Variants in ZNF502 observed in about 807,000 individuals in gnomAD.
ZNF502 encodes zinc finger protein 502.
A neutral mutation model predicts 43.6 loss-of-function variants in ZNF502; 29 were observed. That is an observed-to-expected ratio of 0.67 (90% CI 0.50 to 0.91). ZNF502 has a LOEUF of 0.91. ZNF502 is among the 40% of genes least tolerant of loss of function. The pLI is 0.00. For synonymous variants in ZNF502, 171 were observed against 207.4 expected, an observed-to-expected ratio of 0.82 and a Z score of 1.51; for missense variants, 591 against 647.2, an observed-to-expected ratio of 0.91 and a Z score of 0.94.
In ZNF502 at chr3:44,722,571, TGA is replaced by T. The variant is rs2125868826; in HGVS notation, c.*123_*124del. The T allele has an allele frequency of 1.5e-6, 2 of 1,314,572 alleles. No homozygotes were observed. Among genetic ancestry groups the T allele is most frequent in the East Asian group, 2.3e-5 (1 of 43,062 alleles). The allele number at this position is 1,314,572 out of a possible 1,614,324, so 81.4% of individuals were successfully genotyped here. A position where few individuals can be genotyped will look rare whatever the true frequency, so the allele number is the denominator to read the frequency against. On this transcript the variant is annotated 3_prime_UTR_variant, in exon 3 of 3. Coordinates refer to ENST00000436624, the MANE Select transcript of ZNF502 (RefSeq NM_001134442.3). ...TGAAGGAGCCTTGGCTACTGTACTC[TGA>T]GAGGAATGTTTCCAGAAATGGAGGT...
In ZNF502 at chr3:44,720,834, C is replaced by T. The variant is rs79758144; in HGVS notation, c.56-39C>T. On this transcript the variant is annotated intron_variant, in intron 2 of 2. Transcript: ENST00000436624. Reference sequence around the variant, plus strand: ...TACAGTTTCAGGGGCCTTCACTCTGCCCTGTACAGGAGATATTCATTCTGC... The same window carrying T: ...TACAGTTTCAGGGGCCTTCACTCTGTCCTGTACAGGAGATATTCATTCTGC... 3,281 of 1,568,426 alleles carry T rather than the reference C, an allele frequency of 2.1e-3. 51 individuals carry two copies. The African/African-American group carries it at 0.032, about 15-fold the overall frequency.
rs889151290 is a variant in ZNF502 at position 44,721,365 on chromosome 3, A to G, written c.548A>G (p.Tyr183Cys). The G allele has an allele frequency of 1.2e-6, 2 of 1,614,176 alleles. No homozygotes were observed. Among genetic ancestry groups the G allele is most frequent in the East Asian group, 2.2e-5 (1 of 44,882 alleles). Residue 183 changes from tyrosine to cysteine, a missense_variant, in exon 3 of 3, where the codon TAC becomes TGC. Coordinates refer to ENST00000436624, the MANE Select transcript of ZNF502 (RefSeq NM_001134442.3). ...AGAACTCATACTGGAGAGAGACCCT[A>G]CACATGTGAGGAATGTGGGAAAGCC... ...HQRTHTGERPYTCEECGKAFS... is the reference protein window; with the variant it reads ...HQRTHTGERPCTCEECGKAFS...
At chr3:44,718,321 C>T (rs1704204791) in intron 1 of ZNF502, among the ~76,000 whole-genome samples, 1 of 152,196 alleles carries the variant, frequency 6.6e-6, no homozygotes, top group Admixed American at 6.5e-5. Flanking sequence ...GAAATAGCCT[C>T]ACAAGGGATC....
intron 1 of ZNF502, among the ~76,000 whole-genome samples, chr3:44,713,014 G>A (rs75266471): frequency 0.017 from 2,549 of 152,366 alleles, 45 homozygotes; most frequent in African/African-American, 0.039. Flanking sequence ...GAGTGAATGA[G>A]TGATGGATAG....
chr3:44,722,441 AGTG>A lies in ZNF502; in HGVS notation c.1628_1630del (p.Gly543del). 6.2e-7 allele frequency: 1 copy of A among 1,609,844 alleles called. No homozygotes were observed. ...CCTTTTCAGACATCAGAAACTTCAC[AGTG>A]GTGACTAATGCTGCCATTTAGGTTA... On this transcript the variant is annotated inframe_deletion, in exon 3 of 3. Coordinates refer to ENST00000436624, the MANE Select transcript of ZNF502 (RefSeq NM_001134442.3).
intron 1 of ZNF502, among the ~76,000 whole-genome samples, chr3:44,719,853 A>G (rs1370229750): frequency 1.3e-5 from 2 of 152,246 alleles, no homozygotes; most frequent in African/African-American, 4.8e-5. Context: ...TTTCATATAG[A>G]TTATTGTATG....
chr3:44,720,316 G>T lies in ZNF502; in HGVS notation c.55G>T (p.Gly19Cys). 1 of 1,614,012 alleles carries T rather than the reference G, an allele frequency of 6.2e-7. No homozygotes were observed. Among genetic ancestry groups the T allele is most frequent in the Non-Finnish European group, 8.5e-7 (1 of 1,179,964 alleles). ...AGACATTAGAAGAGAGACTTGTCCAGGTGAGTGAGCAAGGGACAAGCAGTG... is the reference window on the plus strand; with the variant it reads ...AGACATTAGAAGAGAGACTTGTCCATGTGAGTGAGCAAGGGACAAGCAGTG... ...ERDIRRETCPGWVNKNKPALE... is the reference protein window; with the variant it reads ...ERDIRRETCPCWVNKNKPALE... The change falls in exon 2 of 3, where the codon GGC (glycine) becomes TGC (cysteine). Residue 19 changes from glycine (G) to cysteine (C), a missense_variant and splice_region_variant. Transcript: ENST00000436624.
Position 44,721,853 on chromosome 3 carries a change from AGT to A in ZNF502, c.1038_1039del (p.Ser346ArgfsTer6). On this transcript the variant is annotated frameshift_variant, in exon 3 of 3. Coordinates refer to ENST00000436624, the MANE Select transcript of ZNF502 (RefSeq NM_001134442.3). LOFTEE classifies it high-confidence loss of function. Reference sequence around the variant, plus strand: ...CCTCTCTCAGCATCAGAGAATTCATAGTGGAGAGAAACCCTATAAATGTAAAG... The same window carrying A: ...CCTCTCTCAGCATCAGAGAATTCATAGGAGAGAAACCCTATAAATGTAAAG... The part of the protein sequence containing the change: ...ANLSQHQRIH[S>X]GEKPYKCKEC... 1.2e-6 allele frequency: 2 copies of A among 1,614,168 alleles called. No homozygotes were observed. The highest frequency in any genetic ancestry group is 1.7e-6 in the Non-Finnish European group (2 of 1,180,012).
At position 44,722,077 on chromosome 3, in the gene ZNF502, T is replaced by G; in HGVS notation, c.1260T>G (p.Ile420Met). The change falls in exon 3 of 3, where the codon ATT (isoleucine) becomes ATG (methionine). Residue 420 changes from isoleucine to methionine, a missense_variant. By Grantham distance (10) the Ile-to-Met change is conservative (BLOSUM62 1). Coordinates refer to ENST00000436624, the MANE Select transcript of ZNF502 (RefSeq NM_001134442.3). ...GTGGTAAAGCCTTCATTCAGAGCATTTGCCTTATTCGGCACCAGAGAAGTC... is the reference window on the plus strand; with the variant it reads ...GTGGTAAAGCCTTCATTCAGAGCATGTGCCTTATTCGGCACCAGAGAAGTC... ...SECGKAFIQS[I>M]CLIRHQRSHT... 6.2e-7 allele frequency: 1 copy of G among 1,613,910 alleles called. No individual in the cohort carries two copies. The highest frequency in any genetic ancestry group is 8.5e-7 in the Non-Finnish European group (1 of 1,179,960).
At chr3:44,720,394 G>A (rs1294411714) in intron 2 of ZNF502, 78 bp downstream of exon 2, 2 of 1,458,626 alleles carry the variant, frequency 1.4e-6, no homozygotes, top group Non-Finnish European at 1.9e-6. Context: ...GGACAAGCTG[G>A]GTGAGGCTCA....
rs756963523 is a variant in ZNF502 at position 44,721,083 on chromosome 3, T to C, written c.266T>C (p.Ile89Thr). The C allele has an allele frequency of 1.2e-6, 2 of 1,614,110 alleles. No homozygotes were observed. The highest frequency in any genetic ancestry group is 4.5e-5 in the East Asian group (2 of 44,884). ...QEGGFGRITF[I>T]HKEAPPEIIS... ...GGAGGTTTTGGGAGAATAACTTTCA[T>C]CCACAAAGAAGCACCCCCTGAAATT... is the stretch of plus-strand genomic sequence containing the variant. The change falls in exon 3 of 3, where the codon ATC becomes ACC. Residue 89 changes from isoleucine to threonine, a missense_variant. Transcript: ENST00000436624.
intron 1 of ZNF502, among the ~76,000 whole-genome samples, chr3:44,715,478 G>A (rs1704121680): frequency 6.6e-6 from 1 of 151,950 alleles, no homozygotes; most frequent in African/African-American, 2.4e-5. Flanking sequence ...ATTCCTATGG[G>A]AAAATTTTCA....
intron 1 of ZNF502, among the ~76,000 whole-genome samples, chr3:44,718,259 C>T (rs1704203708): frequency 6.6e-6 from 1 of 152,170 alleles, no homozygotes; most frequent in Admixed American, 6.5e-5. Flanking sequence ...CACCAATATT[C>T]ATTCATTCTG....
At position 44,712,693 on chromosome 3, in the gene ZNF502, C is replaced by G. The variant is rs139755879; in HGVS notation, c.-107C>G. The stretch of plus-strand genomic sequence containing the variant: ...AGGCTGGTGTCCTGGCCCCAGTCCA[C>G]CTCTGGGAGCGCCTGCGCCGCTCCG... On this transcript the variant is annotated 5_prime_UTR_variant, in exon 1 of 3. Coordinates refer to ENST00000436624, the MANE Select transcript of ZNF502 (RefSeq NM_001134442.3). 780 of 152,444 alleles carry G rather than the reference C, an allele frequency of 5.1e-3. 2 individuals carry two copies. The highest frequency in any genetic ancestry group is 8.2e-3 in the Non-Finnish European group (558 of 68,102). 9.4% of individuals were successfully genotyped at this position (152,444 alleles called of 1,614,324 possible).
Position 44,721,499 on chromosome 3 carries a change from C to T in ZNF502, c.682C>T (p.Gln228Ter). Residue 228 changes from glutamine to a stop codon, truncating the protein, a stop_gained, in exon 3 of 3, where the codon CAG (glutamine) becomes TAG (stop). Transcript: ENST00000436624. LOFTEE classifies it high-confidence loss of function. Reference sequence around the variant, plus strand: ...ATTTCGATGTCGATCATTTCTTACTCAGCATCAAAGAATTCACACTGGAGA... The same window carrying T: ...ATTTCGATGTCGATCATTTCTTACTTAGCATCAAAGAATTCACACTGGAGA... ...KTFRCRSFLT[Q>*]HQRIHTGEKP... 6.2e-7 allele frequency: 1 copy of T among 1,614,144 alleles called. No individual in the cohort carries two copies. The highest frequency in any genetic ancestry group is 8.5e-7 in the Non-Finnish European group (1 of 1,180,018).
intron 1 of ZNF502, among the ~76,000 whole-genome samples, chr3:44,715,575 T>G (rs1704123430): frequency 6.6e-6 from 1 of 152,208 alleles, no homozygotes; most frequent in Non-Finnish European, 1.5e-5. Flanking sequence ...TTGTTATATA[T>G]TCTTATAGAT....
At position 44,720,952 on chromosome 3, in the gene ZNF502, C is replaced by T. The variant is rs1704303572; in HGVS notation, c.135C>T (p.Phe45=). Residue 45 remains phenylalanine (F), a synonymous_variant, in exon 3 of 3, where the codon TTC becomes TTT. Transcript: ENST00000436624. ...CATCAGGGATAGTAGTAAAGAGGTTCCAAGAGGATGAATACCAAGATTCTA... is the reference window on the plus strand; with the variant it reads ...CATCAGGGATAGTAGTAAAGAGGTTTCAAGAGGATGAATACCAAGATTCTA... ...IDSSGIVVKR[F]QEDEYQDSTF... is the part of the protein sequence containing the mutation. 1 of 1,614,020 alleles carries T rather than the reference C, an allele frequency of 6.2e-7. No individual in the cohort carries two copies. The highest frequency in any genetic ancestry group is 8.5e-7 in the Non-Finnish European group (1 of 1,179,990).
Position 44,721,489 on chromosome 3 carries a change from A to T in ZNF502, c.672A>T (p.Ser224=). 6.2e-7 allele frequency: 1 copy of T among 1,614,230 alleles called. No individual in the cohort carries two copies. Among genetic ancestry groups the T allele is most frequent in the Admixed American group, 1.7e-5 (1 of 60,032 alleles). The part of the protein sequence containing the change: ...EQCGKTFRCR[S]FLTQHQRIHT... ...GTGGGAAAACATTTCGATGTCGATC[A>T]TTTCTTACTCAGCATCAAAGAATTC... Residue 224 remains serine (S), a synonymous_variant, in exon 3 of 3, where the codon TCA becomes TCT. Transcript: ENST00000436624.
rs1403657135 is a variant in ZNF502 at position 44,721,461 on chromosome 3, A to C, written c.644A>C (p.Gln215Pro). The change falls in exon 3 of 3, where the codon CAG becomes CCG. Residue 215 changes from glutamine to proline, a missense_variant. Transcript: ENST00000436624. ...GGAGTGAAACCATATGGATGTGAGC[A>C]GTGTGGGAAAACATTTCGATGTCGA... ...HTGVKPYGCE[Q>P]CGKTFRCRSF... is the part of the protein sequence containing the mutation. The C allele has an allele frequency of 3.1e-6, 5 of 1,614,114 alleles. No individual in the cohort carries two copies. In the Admixed American group the frequency reaches 6.7e-5, roughly 22 times the overall value.
Sources: allele counts gnomAD v4.1 joint callset (sites outside exome capture counted in the v4.1 genomes callset), GRCh38; gene constraint gnomAD v4.1.1; transcripts MANE v1.5; gene names NCBI Gene and HGNC (gene_info 2026-07-23, HGNC 2026-07-21).